Variants in MBOAT2 observed in about 807,000 individuals in gnomAD.
MBOAT2 encodes membrane bound glycerophospholipid O-acyltransferase 2, also known as membrane-bound glycerophospholipid O-acyltransferase 2.
A neutral mutation model predicts 63.4 loss-of-function variants in MBOAT2; 28 were observed. The ratio of observed to expected loss-of-function variants is 0.44; its 90% CI spans 0.33 to 0.61. The LOEUF is 0.61. Among genes scored for constraint, MBOAT2 ranks in the 20% least tolerant of loss-of-function variants. The pLI is 0.03. For missense variants in MBOAT2, 470 were observed against 605.8 expected, an observed-to-expected ratio of 0.78 and a Z score of 2.35; for synonymous variants, 211 against 215.6, an observed-to-expected ratio of 0.98 and a Z score of 0.19.
intron 3 of MBOAT2, among the ~76,000 whole-genome samples, chr2:8,941,305 T>C (rs935081622): frequency 3.9e-5 from 6 of 152,248 alleles, no homozygotes; most frequent in African/African-American, 1.4e-4. Context: ...ACCAAGATTC[T>C]ATCCTAAATA....
At chr2:8,974,102 C>T (rs372857246) in intron 1 of MBOAT2, among the ~76,000 whole-genome samples, 3 of 152,278 alleles carry the variant, frequency 2.0e-5, no homozygotes, top group South Asian at 4.1e-4. Flanking sequence ...TTAGATACCC[C>T]ATAGCAGTAT....
intron 3 of MBOAT2, among the ~76,000 whole-genome samples, chr2:8,909,467 T>C (rs376777616): frequency 6.6e-6 from 1 of 152,144 alleles, no homozygotes; most frequent in Non-Finnish European, 1.5e-5. Flanking sequence ...ATGTAAAATA[T>C]ACAAGTACAA....
chr2:8,975,747 C>T (rs1222223519), intron 1 of MBOAT2, among the ~76,000 whole-genome samples: 3 of 144,298 alleles, frequency 2.1e-5, no homozygotes, highest in African/African-American at 7.9e-5. Context: ...GTTGTCCCCG[C>T]ACTCACAAAA....
intron 3 of MBOAT2, among the ~76,000 whole-genome samples, chr2:8,936,786 C>CAAAAAAAAA (rs745694357): frequency 1.8e-5 from 1 of 56,360 alleles, no homozygotes; most frequent in Non-Finnish European, 3.5e-5. Context: ...GACTCCGTCT[C>CAAAAAAAAA]AAAAAAAAAA....
At chr2:8,984,962 AAGAG>A in intron 1 of MBOAT2, among the ~76,000 whole-genome samples, 1 of 152,190 alleles carries the variant, frequency 6.6e-6, no homozygotes, top group Non-Finnish European at 1.5e-5. Context: ...CTCCTGGAGA[AAGAG>A]AAAGAAAAGC....
chr2:8,875,092 T>C (rs959365424), intron 7 of MBOAT2, among the ~76,000 whole-genome samples: 3 of 152,158 alleles, frequency 2.0e-5, no homozygotes, highest in Non-Finnish European at 2.9e-5. Flanking sequence ...CTGATGCAGA[T>C]AGAGGAGAGA....
At position 8,862,417 on chromosome 2, in the gene MBOAT2, C is replaced by A; in HGVS notation, c.1185+173G>T. ...CACAGGAACTGGGCATGGAGCCTAG[C>A]CCGTGGTGAGCGCTCAGCAAACATG... On this transcript the variant is annotated intron_variant, in intron 11 of 12. Transcript: ENST00000305997. This position sits in a 1 kb window ranked among gnomAD's most constrained non-coding sequence, Gnocchi z 4.3. 1 of 1,343,020 alleles carries A rather than the reference C, an allele frequency of 7.4e-7. No homozygotes were observed. 83.2% of individuals were successfully genotyped at this position (1,343,020 alleles called of 1,614,324 possible). A position where few individuals can be genotyped will look rare whatever the true frequency, so the allele number is the denominator to read the frequency against.
chr2:8,896,238 CAAAA>C lies in MBOAT2; in HGVS notation c.396-8169_396-8166del, dbSNP rs967667476. Among the ~76,000 whole-genome samples, 15 of 51,244 alleles carry C rather than the reference CAAAA, an allele frequency of 2.9e-4. No homozygotes were observed. The East Asian group carries it at 5.7e-3, about 20-fold the overall frequency. The allele number at this position is 51,244 out of a possible 152,430, so 33.6% of individuals were successfully genotyped here. A position where few individuals can be genotyped will look rare whatever the true frequency, so the allele number is the denominator to read the frequency against. ...TGGGTGACAGAGTGAGACTCCGTCT[CAAAA>C]AAAAAAAAAAAAAAAAAGAGTTGTG... On this transcript the variant is annotated intron_variant, in intron 4 of 12. Transcript: ENST00000305997.
At chr2:8,946,685 T>G (rs995080095) in intron 2 of MBOAT2, among the ~76,000 whole-genome samples, 1 of 152,230 alleles carries the variant, frequency 6.6e-6, no homozygotes, top group Admixed American at 6.5e-5. Context: ...TATAGTGATC[T>G]GTGATCAGCG....
At chr2:8,871,006 T>C (rs1662277752) in intron 8 of MBOAT2, among the ~76,000 whole-genome samples, 1 of 152,160 alleles carries the variant, frequency 6.6e-6, no homozygotes, top group Non-Finnish European at 1.5e-5. Flanking sequence ...TGGTTGATTT[T>C]TTTTTTGAGG....
At chr2:8,962,018 G>A (rs759209100) in intron 1 of MBOAT2, among the ~76,000 whole-genome samples, 56 of 152,068 alleles carry the variant, frequency 3.7e-4, no homozygotes, top group Admixed American at 9.2e-4. Context: ...TCTCCCTTCT[G>A]CCAGCTCCCC....
At chr2:8,981,511 T>C (rs1307967909) in intron 1 of MBOAT2, among the ~76,000 whole-genome samples, 1 of 152,154 alleles carries the variant, frequency 6.6e-6, no homozygotes, top group East Asian at 1.9e-4. Context: ...AACAAAAGTC[T>C]TCCCTAGGGC....
chr2:8,882,166 C>T lies in MBOAT2; in HGVS notation c.506+345G>A, dbSNP rs552233652. ...GTTATTGGCCTGTAAATGGTAGCTG[C>T]TATTATTACCAGTAATTACTACATG... is the stretch of plus-strand genomic sequence containing the variant. On this transcript the variant is annotated intron_variant, in intron 6 of 12. Transcript: ENST00000305997. 5.3e-4 allele frequency among the ~76,000 whole-genome samples: 80 copies of T among 152,338 alleles called. No homozygotes were observed. In the Middle Eastern group the frequency reaches 0.014, roughly 26 times the overall value.
At position 8,952,227 on chromosome 2, in the gene MBOAT2, T is replaced by C. The variant is rs565125980; in HGVS notation, c.221+6270A>G. On this transcript the variant is annotated intron_variant, in intron 2 of 12. Transcript: ENST00000305997. Reference sequence around the variant, plus strand: ...TTTAATTTCCATGTAATTGTGTGGTTTTGAGAGATCTTCTTGGTATTGATT... The same window carrying C: ...TTTAATTTCCATGTAATTGTGTGGTCTTGAGAGATCTTCTTGGTATTGATT... 9.6e-4 allele frequency among the ~76,000 whole-genome samples: 146 copies of C among 152,354 alleles called. 3 individuals are homozygous for C. Among genetic ancestry groups the C allele is most frequent in the South Asian group, 1.0e-3 (5 of 4,828 alleles).
At chr2:8,873,410 C>T (rs1021136715) in intron 7 of MBOAT2, 110 bp from the exon 8 acceptor site, 3 of 1,120,388 alleles carry the variant, frequency 2.7e-6, no homozygotes, top group South Asian at 1.8e-5. Context: ...TCCTACAACT[C>T]TCCTGGTCAA....
chr2:8,934,128 C>T (rs1667505021), intron 3 of MBOAT2, among the ~76,000 whole-genome samples: 1 of 152,134 alleles, frequency 6.6e-6, no homozygotes, highest in Non-Finnish European at 1.5e-5. Flanking sequence ...CAAGTAACTC[C>T]CTAAGGGAAC....
At chr2:8,870,039 C>T (rs1487186567) in intron 8 of MBOAT2, among the ~76,000 whole-genome samples, 1 of 152,210 alleles carries the variant, frequency 6.6e-6, no homozygotes, top group African/African-American at 2.4e-5. Context: ...TCTCCCACCA[C>T]AGACCCTGCC....
chr2:8,900,058 G>A (rs1664800038), intron 4 of MBOAT2, among the ~76,000 whole-genome samples: 1 of 152,178 alleles, frequency 6.6e-6, no homozygotes, highest in Admixed American at 6.5e-5. Context: ...GTTCAAGGAA[G>A]GCAGAAGGAT....
chr2:8,898,208 A>T (rs1160450573), intron 4 of MBOAT2, among the ~76,000 whole-genome samples: 1 of 152,148 alleles, frequency 6.6e-6, no homozygotes, highest in Non-Finnish European at 1.5e-5. Context: ...AGCTTGTACT[A>T]GGGCCTGCTT....
Sources: gnomAD v4.1 joint callset for allele counts (sites outside exome capture counted in the v4.1 genomes callset) on GRCh38, gnomAD v4.1.1 for gene constraint, Gnocchi (gnomAD v3.1) non-coding constraint, MANE v1.5 for transcripts, NCBI Gene and HGNC (gene_info 2026-07-23, HGNC 2026-07-21) for gene names.